CLSPN: variants seen among roughly 807,000 people sequenced by gnomAD.
CLSPN encodes claspin homolog.
CLSPN carries 85 observed loss-of-function variants against 156.3 expected under a neutral mutation model. That is an observed-to-expected ratio of 0.54 (90% CI 0.46 to 0.65). The LOEUF is 0.65. Ranked by LOEUF, CLSPN falls within the 30% of genes least tolerant of loss-of-function variation. The pLI, the probability that CLSPN is intolerant of heterozygous loss-of-function variation, is 0.00. For synonymous variants in CLSPN, 534 were observed against 542.4 expected, an observed-to-expected ratio of 0.98 and a Z score of 0.22; for missense variants, 1,407 against 1,554.9, an observed-to-expected ratio of 0.90 and a Z score of 1.60.
At chr1:35,769,627 C>G (rs980084619) in intron 1 of CLSPN, among the ~76,000 whole-genome samples, 1 of 152,182 alleles carries the variant, frequency 6.6e-6, no homozygotes, top group Non-Finnish European at 1.5e-5. Context: ...GCTCTCCGGC[C>G]ACGGAGCCCG....
At position 35,746,557 on chromosome 1, in the gene CLSPN, G is replaced by T. The variant is rs1441761401; in HGVS notation, c.2854+209C>A. 1.3e-5 allele frequency among the ~76,000 whole-genome samples: 2 copies of T among 150,758 alleles called. No individual in the cohort carries two copies. Among genetic ancestry groups the T allele is most frequent in the South Asian group, 2.1e-4 (1 of 4,780 alleles). On this transcript the variant is annotated intron_variant, in intron 15 of 24. Transcript: ENST00000318121. The surrounding 1 kb of genome is among the most constrained non-coding windows in gnomAD (Gnocchi z 4.2). Reference sequence around the variant, plus strand: ...CCACAGGCACGTGCCACCATGCCTGGCTAATTTTTTTTTTTTTTTTCGTAG... The same window carrying T: ...CCACAGGCACGTGCCACCATGCCTGTCTAATTTTTTTTTTTTTTTTCGTAG...
At chr1:35,720,861 C>T (rs1361126963) in exon 25 of CLSPN, 12 of 1,528,176 alleles carry the variant, frequency 7.9e-6, no homozygotes, top group Middle Eastern at 1.7e-4. Flanking sequence ...AGCCCTTCTC[C>T]GCCTCTCTTT....
At chr1:35,730,258 C>G (rs1641282892), downstream of CLSPN, among the ~76,000 whole-genome samples, 3 of 152,130 alleles carry the variant, frequency 2.0e-5, no homozygotes, top group South Asian at 4.2e-4. Context: ...AATGGGAAAC[C>G]TAAGGCTGGG....
At position 35,736,297 on chromosome 1, in the gene CLSPN, A is replaced by G. The variant is rs1024994943; in HGVS notation, c.*199T>C. 2.5e-6 allele frequency: 3 copies of G among 1,206,936 alleles called. No individual in the cohort carries two copies. The highest frequency in any genetic ancestry group is 3.9e-5 in the South Asian group (1 of 25,586). 74.8% of individuals were successfully genotyped at this position (1,206,936 alleles called of 1,614,324 possible). On this transcript the variant is annotated 3_prime_UTR_variant, in exon 25 of 25. Transcript: ENST00000318121. ...TTGTAAATACTGCAGAATTGAAATCAGTGGCCAATTCAGGGAATAATACTA... is the reference window on the plus strand; with the variant it reads ...TTGTAAATACTGCAGAATTGAAATCGGTGGCCAATTCAGGGAATAATACTA...
intron 18 of CLSPN, among the ~76,000 whole-genome samples, chr1:35,741,188 T>C (rs1423851967): frequency 6.6e-6 from 1 of 152,164 alleles, no homozygotes; most frequent in African/African-American, 2.4e-5. Flanking sequence ...ATTATACATA[T>C]AGAAAGATTG....
chr1:35,737,187 T>G (rs1180877581), intron 23 of CLSPN, 112 bp from the exon 24 acceptor site: 13 of 1,258,302 alleles, frequency 1.0e-5, no homozygotes, highest in Non-Finnish European at 1.1e-5. Flanking sequence ...CCTACCCTAT[T>G]CAAATAGAAA....
At chr1:35,751,094 G>C (rs2148620131) in intron 10 of CLSPN, among the ~76,000 whole-genome samples, 156 bp downstream of exon 10, 1 of 151,386 alleles carries the variant, frequency 6.6e-6, no homozygotes, top group East Asian at 2.0e-4. Context: ...CAGAACTGAA[G>C]TTCCTAAGAT....
chr1:35,764,487 G>A lies in CLSPN; in HGVS notation c.361C>T (p.Gln121Ter). 6.2e-7 allele frequency: 1 copy of A among 1,614,072 alleles called. No homozygotes were observed. Among genetic ancestry groups the A allele is most frequent in the Non-Finnish European group, 8.5e-7 (1 of 1,179,996 alleles). The change falls in exon 3 of 25, where the codon CAG becomes TAG. Residue 121 changes from glutamine to a stop codon, truncating the protein, a stop_gained. Coordinates refer to ENST00000318121, the MANE Select transcript of CLSPN (RefSeq NM_022111.4). LOFTEE classifies it high-confidence loss of function. ...DESYMEKSLYQENLEAQVKPC... is the reference protein window; with the variant it reads ...DESYMEKSLY ...TTCACTTGCGCTTCAAGATTTTCCT[G>A]ATACAAAGACTTTTCCATGTAACTT... is the stretch of plus-strand genomic sequence containing the variant.
chr1:35,727,584 G>GT (rs979108752), downstream of CLSPN, among the ~76,000 whole-genome samples: 53 of 152,324 alleles, frequency 3.5e-4, no homozygotes, highest in Middle Eastern at 3.4e-3. Context: ...TGCAGGCTCA[G>GT]TTGGGACAGT....
chr1:35,729,028 A>G (rs1317043972), downstream of CLSPN, among the ~76,000 whole-genome samples: 1 of 151,004 alleles, frequency 6.6e-6, no homozygotes, highest in East Asian at 1.9e-4. Context: ...CGTTTGGAAA[A>G]CCCAGATGAT....
In CLSPN at chr1:35,748,685, A is replaced by T. The variant is rs77518854; in HGVS notation, c.2273-81T>A. On this transcript the variant is annotated intron_variant, in intron 12 of 24. Coordinates refer to ENST00000318121, the MANE Select transcript of CLSPN (RefSeq NM_022111.4). The stretch of plus-strand genomic sequence containing the variant: ...TTTAGGAAAAAGAGTTGAGGATGAA[A>T]CTGTCAGATAAAATTCATAGGCAAA... 2,829 of 1,194,020 alleles carry T rather than the reference A, an allele frequency of 2.4e-3. 43 individuals carry two copies. The African/African-American group carries it at 0.037, about 16-fold the overall frequency. 74.0% of individuals were successfully genotyped at this position (1,194,020 alleles called of 1,614,324 possible). A position where few individuals can be genotyped will look rare whatever the true frequency, so the allele number is the denominator to read the frequency against.
At chr1:35,765,197 A>T in intron 2 of CLSPN, 21 bp downstream of exon 2, 1 of 1,502,008 alleles carries the variant, frequency 6.7e-7, no homozygotes, top group Non-Finnish European at 9.2e-7. Context: ...TATTCCTAAA[A>T]ATAAAAGTAC....
At chr1:35,767,794 T>A (rs1642723597) in intron 1 of CLSPN, among the ~76,000 whole-genome samples, 1 of 152,224 alleles carries the variant, frequency 6.6e-6, no homozygotes, top group South Asian at 2.1e-4. Flanking sequence ...ATATTCAAAC[T>A]GTAGTTGAAG....
intron 12 of CLSPN, among the ~76,000 whole-genome samples, chr1:35,749,076 C>T (rs1204081597): frequency 6.6e-6 from 1 of 152,130 alleles, no homozygotes; most frequent in Non-Finnish European, 1.5e-5. Flanking sequence ...CCGCCTGCCT[C>T]AGCCTCCCAA....
chr1:35,752,284 A>T (rs571138283), intron 9 of CLSPN, among the ~76,000 whole-genome samples: 2 of 152,186 alleles, frequency 1.3e-5, no homozygotes, highest in Non-Finnish European at 2.9e-5. Context: ...CAGCCATTTT[A>T]AAAAAAGCCT....
intron 17 of CLSPN, 24 bp from the exon 18 acceptor site, chr1:35,743,265 A>T: frequency 6.4e-7 from 1 of 1,566,742 alleles, no homozygotes; most frequent in Non-Finnish European, 8.8e-7. Context: ...ATCATATCCA[A>T]ATTAAGCAGA....
At chr1:35,742,997 G>C in intron 18 of CLSPN, 144 bp downstream of exon 18, 1 of 629,648 alleles carries the variant, frequency 1.6e-6, no homozygotes, top group Non-Finnish European at 2.9e-6. Context: ...ACCAAGACCA[G>C]GCTGGTCTTG....
chr1:35,764,676 T>TGAA lies in CLSPN; in HGVS notation c.171_172insTTC (p.Lys57_Asn58insPhe), dbSNP rs1642610340. ...TCACTGTCTTGTAGAACCTTCCTGT[T>TGAA]TTTCAACTTCTTACTTACAAATATC... On this transcript the variant is annotated inframe_insertion, in exon 3 of 25. Coordinates refer to ENST00000318121, the MANE Select transcript of CLSPN (RefSeq NM_022111.4). The TGAA allele has an allele frequency of 1.3e-6, 2 of 1,585,410 alleles. No individual in the cohort carries two copies. Among genetic ancestry groups the TGAA allele is most frequent in the Non-Finnish European group, 1.7e-6 (2 of 1,172,006 alleles).
chr1:35,753,978 A>C (rs1269907982), intron 8 of CLSPN, 42 bp from the exon 9 acceptor site: 1 of 1,588,030 alleles, frequency 6.3e-7, no homozygotes, highest in Middle Eastern at 1.8e-4. Flanking sequence ...TGCCATGCTC[A>C]AAACTCTTTC....
Sources: gnomAD v4.1 joint callset for allele counts (sites outside exome capture counted in the v4.1 genomes callset) on GRCh38, gnomAD v4.1.1 for gene constraint, Gnocchi (gnomAD v3.1) non-coding constraint, MANE v1.5 for transcripts, NCBI Gene and HGNC (gene_info 2026-07-23, HGNC 2026-07-21) for gene names.